Variants in WWP1 observed in about 807,000 individuals in gnomAD.
WWP1 encodes NEDD4-like E3 ubiquitin-protein ligase WWP1.
WWP1 carries 49 observed loss-of-function variants against 130.6 expected under a neutral mutation model. The ratio of observed to expected loss-of-function variants is 0.38; its 90% CI spans 0.30 to 0.48. The LOEUF (loss-of-function observed/expected upper bound fraction) is 0.48, where lower values mean the gene tolerates loss of function less well. Among genes scored for constraint, WWP1 ranks in the 20% least tolerant of loss-of-function variants. The probability of loss-of-function intolerance (pLI) is 0.99; values close to 1 mark genes in which losing one functional copy is unlikely to be tolerated. For missense variants in WWP1, 809 were observed against 1,100.6 expected (o/e 0.74, Z 3.75); for synonymous variants, 332 against 367.8 (o/e 0.90, Z 1.11).
intron 8 of WWP1, among the ~76,000 whole-genome samples, chr8:86,405,910 G>A (rs923610098): frequency 2.6e-5 from 4 of 152,202 alleles, no homozygotes; most frequent in Admixed American, 1.3e-4. Context: ...ATTAGGAATT[G>A]TGGGTCAATA....
At chr8:86,447,460 G>C (rs978175340) in intron 18 of WWP1, among the ~76,000 whole-genome samples, 42 of 152,036 alleles carry the variant, frequency 2.8e-4, no homozygotes, top group African/African-American at 9.9e-4. Flanking sequence ...TAAGGACGGG[G>C]TTTCACTGTG....
chr8:86,382,966 G>A (rs1012199535), intron 5 of WWP1, among the ~76,000 whole-genome samples: 1 of 152,102 alleles, frequency 6.6e-6, no homozygotes, highest in African/African-American at 2.4e-5. Flanking sequence ...CTTTAAAAAG[G>A]TTCTTTCTGC....
At position 86,421,685 on chromosome 8, in the gene WWP1, G is replaced by A. The variant is rs145908332; in HGVS notation, c.1062-3538G>A. Among the ~76,000 whole-genome samples, 353 of 152,132 alleles carry A rather than the reference G, an allele frequency of 2.3e-3. 1 individual carries two copies. Among genetic ancestry groups the A allele is most frequent in the African/African-American group, 8.1e-3 (336 of 41,510 alleles). On this transcript the variant is annotated intron_variant, in intron 9 of 24. Transcript: ENST00000517970. ...TAAAAATACAAAAAATTAGCTGGGC[G>A]TGGTGGCTGGCGCCTATAGTCCCAG...
At chr8:86,345,330 G>A (rs1376970842) in intron 1 of WWP1, among the ~76,000 whole-genome samples, 15 of 152,108 alleles carry the variant, frequency 9.9e-5, no homozygotes, top group Admixed American at 9.8e-4. Context: ...ATGCGCCTAT[G>A]CTTTGTGGAT....
Position 86,461,625 on chromosome 8 carries a change from T to C in WWP1, c.2597-149T>C. The stretch of plus-strand genomic sequence containing the variant: ...TTATTGCTGGATCTCTGCAACAATT[T>C]TCTTCTTCAGGCAGAAGCAGCTTAC... On this transcript the variant is annotated intron_variant, in intron 23 of 24. Coordinates refer to ENST00000517970, the MANE Select transcript of WWP1 (RefSeq NM_007013.4). The C allele has an allele frequency of 8.8e-6, 6 of 685,262 alleles. No individual in the cohort carries two copies. The South Asian group carries it at 9.6e-5, about 11-fold the overall frequency. 42.4% of individuals were successfully genotyped at this position (685,262 alleles called of 1,614,324 possible).
Position 86,380,881 on chromosome 8 carries a change from A to T in WWP1, c.209+17A>T. On this transcript the variant is annotated intron_variant, in intron 4 of 24. Transcript: ENST00000517970. Reference sequence around the variant, plus strand: ...GCTAACTGTGTAAGTACCTTGTGTAAAGGACGGAAAATCTTCACAAGAAAG... The same window carrying T: ...GCTAACTGTGTAAGTACCTTGTGTATAGGACGGAAAATCTTCACAAGAAAG... 3 of 1,559,904 alleles carry T rather than the reference A, an allele frequency of 1.9e-6. No individual in the cohort carries two copies. The highest frequency in any genetic ancestry group is 1.4e-5 in the African/African-American group (1 of 72,422).
At chr8:86,365,701 G>A (rs1424710263) in intron 1 of WWP1, among the ~76,000 whole-genome samples, 2 of 152,158 alleles carry the variant, frequency 1.3e-5, no homozygotes, top group African/African-American at 4.8e-5. Flanking sequence ...AGTGGTTGAT[G>A]CCTGTAATCC....
At chr8:86,375,433 C>T (rs796801719) in intron 3 of WWP1, among the ~76,000 whole-genome samples, 12 of 152,204 alleles carry the variant, frequency 7.9e-5, no homozygotes, top group African/African-American at 2.9e-4. Flanking sequence ...CCTGTAGGTT[C>T]ACATTTTTAT....
intron 8 of WWP1, among the ~76,000 whole-genome samples, chr8:86,408,002 A>G (rs1808374713): frequency 6.6e-6 from 1 of 152,202 alleles, no homozygotes; most frequent in Admixed American, 6.5e-5. Flanking sequence ...TGTACACACC[A>G]TTACAGTATC....
At chr8:86,360,438 C>G (rs1823525161) in intron 1 of WWP1, among the ~76,000 whole-genome samples, 1 of 152,176 alleles carries the variant, frequency 6.6e-6, no homozygotes. Flanking sequence ...TTTCCTCACC[C>G]CTTTTCATAG....
chr8:86,462,657 T>C (rs1465814871), intron 24 of WWP1, among the ~76,000 whole-genome samples: 2 of 152,214 alleles, frequency 1.3e-5, no homozygotes, highest in African/African-American at 4.8e-5. Context: ...AAAATTGTTA[T>C]GGTTACCCAG....
chr8:86,459,545 G>T (rs1811648881), intron 22 of WWP1, among the ~76,000 whole-genome samples: 1 of 152,120 alleles, frequency 6.6e-6, no homozygotes, highest in South Asian at 2.1e-4. Context: ...CTATAGAGGA[G>T]CTGAGCAGTT....
chr8:86,461,328 T>G lies in WWP1; in HGVS notation c.2596+8T>G. 1 of 1,609,512 alleles carries G rather than the reference T, an allele frequency of 6.2e-7. No homozygotes were observed. Among genetic ancestry groups the G allele is most frequent in the Non-Finnish European group, 8.5e-7 (1 of 1,175,836 alleles). On this transcript the variant is annotated splice_region_variant and intron_variant, in intron 23 of 24. Transcript: ENST00000517970. ...GATTTGCTGAGCTCATGGGTAAATG[T>G]AATTTCACTGTAATTTCTCTGTACG...
At chr8:86,460,181 G>GT (rs1270017006) in intron 22 of WWP1, among the ~76,000 whole-genome samples, 1 of 152,182 alleles carries the variant, frequency 6.6e-6, no homozygotes, top group Non-Finnish European at 1.5e-5. Flanking sequence ...GTGTACTTTG[G>GT]TTTTTCAGGT....
At chr8:86,360,754 T>C (rs1586255905) in intron 1 of WWP1, among the ~76,000 whole-genome samples, 1 of 152,144 alleles carries the variant, frequency 6.6e-6, no homozygotes, top group African/African-American at 2.4e-5. Flanking sequence ...GTTGGGGGTA[T>C]GGATAGAAGT....
At chr8:86,410,681 C>A (rs1368552376) in intron 8 of WWP1, among the ~76,000 whole-genome samples, 1 of 145,116 alleles carries the variant, frequency 6.9e-6, no homozygotes, top group Non-Finnish European at 1.5e-5. Context: ...GTCTTTTGAC[C>A]AAAATTCATT....
At chr8:86,461,888 G>T in intron 24 of WWP1, 42 bp downstream of exon 24, 7 of 1,513,208 alleles carry the variant, frequency 4.6e-6, no homozygotes, top group South Asian at 1.2e-5. Flanking sequence ...AAGCCACAGA[G>T]AATCTTTTGT....
intron 5 of WWP1, 76 bp downstream of exon 5, chr8:86,381,705 G>A (rs1024643831): frequency 1.5e-6 from 2 of 1,361,404 alleles, no homozygotes; most frequent in Non-Finnish European, 1.9e-6. Flanking sequence ...AATCCTAAAA[G>A]CAAAAACATA....
At chr8:86,373,533 T>C (rs1824453274) in intron 2 of WWP1, among the ~76,000 whole-genome samples, 1 of 152,168 alleles carries the variant, frequency 6.6e-6, no homozygotes, top group Admixed American at 6.5e-5. Flanking sequence ...GAGATTTTTG[T>C]TGTTGTTGAG....
Sources: allele counts gnomAD v4.1 joint callset (sites outside exome capture counted in the v4.1 genomes callset), GRCh38; gene constraint gnomAD v4.1.1; transcripts MANE v1.5; gene names NCBI Gene and HGNC (gene_info 2026-07-23, HGNC 2026-07-21).